NUP210L: variants seen among roughly 807,000 people sequenced by gnomAD.
The protein encoded by NUP210L is nuclear pore membrane glycoprotein 210-like.
Under a neutral mutation model 208.5 loss-of-function variants are expected in NUP210L, and 74 were observed. The ratio of observed to expected loss-of-function variants is 0.35; its 90% CI spans 0.29 to 0.43. The LOEUF is 0.43. Among genes scored for constraint, NUP210L ranks in the 20% least tolerant of loss-of-function variants. The pLI, the probability that NUP210L is intolerant of heterozygous loss-of-function variation, is 1.00. For missense variants in NUP210L, 1,843 were observed against 2,289.4 expected (o/e 0.81, Z 3.98); for synonymous variants, 780 against 816.9 (o/e 0.95, Z 0.77).
In NUP210L at chr1:154,056,808, T is replaced by C; in HGVS notation, c.3240+7A>G. The stretch of plus-strand genomic sequence containing the variant: ...AGTACAAATTTTGGATGAGATAATT[T>C]CCTTACTTCAATGTGCCGAGGAGTT... On this transcript the variant is annotated splice_region_variant and intron_variant, in intron 23 of 39. Coordinates refer to ENST00000368559, the Ensembl canonical transcript of NUP210L. 6.4e-7 allele frequency: 1 copy of C among 1,555,990 alleles called. No individual in the cohort carries two copies. Among genetic ancestry groups the C allele is most frequent in the Non-Finnish European group, 8.6e-7 (1 of 1,158,530 alleles).
intron 17 of NUP210L, among the ~76,000 whole-genome samples, chr1:154,065,345 A>G (rs888919139): frequency 6.6e-6 from 1 of 151,706 alleles, no homozygotes; most frequent in Non-Finnish European, 1.5e-5. Flanking sequence ...ACTTCAGTCC[A>G]AGAGTTTGAG....
At chr1:154,030,103 G>A (rs1401865812) in intron 27 of NUP210L, 49 bp from the exon 28 acceptor site, 3 of 1,295,024 alleles carry the variant, frequency 2.3e-6, no homozygotes, top group South Asian at 1.8e-5. Context: ...TAAACATGGT[G>A]TCCTTCCTTT....
chr1:154,060,858 T>C lies in NUP210L; in HGVS notation c.2748+84A>G, dbSNP rs1039001673. 8.8e-4 allele frequency: 828 copies of C among 939,540 alleles called. 5 individuals are homozygous for C. The highest frequency in any genetic ancestry group is 5.2e-3 in the South Asian group (343 of 66,138). The allele number at this position is 939,540 out of a possible 1,614,324, so 58.2% of individuals were successfully genotyped here. Reference sequence around the variant, plus strand: ...GTATCAATTATTTTCAACACATAAGTAAGTTTTTTAATTGTTATGCTATTA... The same window carrying C: ...GTATCAATTATTTTCAACACATAAGCAAGTTTTTTAATTGTTATGCTATTA... On this transcript the variant is annotated intron_variant, in intron 19 of 39. Coordinates refer to ENST00000368559, the Ensembl canonical transcript of NUP210L.
At position 154,073,814 on chromosome 1, in the gene NUP210L, CAATAAATAAATA is replaced by C. The variant is rs3073948; in HGVS notation, c.2362-3361_2362-3350del. ...TGGGCGACAGAGTGAGACTCTGTCT[CAATAAATAAATA>C]AATAAATAAATAAATAAATAAATAA... On this transcript the variant is annotated intron_variant, in intron 16 of 39. Transcript: ENST00000368559. Among the ~76,000 whole-genome samples, 326 of 131,066 alleles carry C rather than the reference CAATAAATAAATA, an allele frequency of 2.5e-3. 1 individual carries two copies. Among genetic ancestry groups the C allele is most frequent in the African/African-American group, 3.5e-3 (122 of 34,658 alleles). The allele number at this position is 131,066 out of a possible 152,430, so 86.0% of individuals were successfully genotyped here.
chr1:154,023,082 T>C (rs748883076), intron 31 of NUP210L, 40 bp downstream of exon 31: 18 of 1,557,180 alleles, frequency 1.2e-5, no homozygotes, highest in Non-Finnish European at 2.6e-6. Flanking sequence ...TATGCAAGAT[T>C]TCTACCATAG....
Position 154,118,776 on chromosome 1 carries a change from G to C in NUP210L, c.1359C>G (p.Ile453Met), listed in dbSNP as rs755899462. 2.5e-6 allele frequency: 4 copies of C among 1,589,500 alleles called. No homozygotes were observed. The South Asian group carries it at 3.3e-5, about 13-fold the overall frequency. ...AAATCTTCACTTCTTGTTGGTGTTT[G>C]ATTAGAAATTTTATAGGCTGAATAT... Residue 453 changes from isoleucine to methionine, a missense_variant, in exon 11 of 40, where the codon ATC (isoleucine) becomes ATG (methionine). This residue lies in a region of NUP210L where 542 missense variants were observed against 606.4 expected (regional missense o/e 0.89). Coordinates refer to ENST00000368559, the Ensembl canonical transcript of NUP210L.
At chr1:154,023,405 A>T (rs758275117) in intron 30 of NUP210L, 108 bp from the exon 31 acceptor site, 24 of 871,974 alleles carry the variant, frequency 2.8e-5, no homozygotes, top group Non-Finnish European at 1.2e-5. Flanking sequence ...TCTTTTCCAT[A>T]GGAAATAGCT....
intron 12 of NUP210L, among the ~76,000 whole-genome samples, chr1:154,115,757 G>A (rs181416361): frequency 7.8e-4 from 119 of 152,018 alleles, no homozygotes; most frequent in Non-Finnish European, 1.6e-3. Flanking sequence ...TAATACCTAC[G>A]AGATAATAAA....
At chr1:154,131,229 G>A (rs985364263) in intron 7 of NUP210L, among the ~76,000 whole-genome samples, 1 of 148,178 alleles carries the variant, frequency 6.7e-6, no homozygotes, top group Admixed American at 6.8e-5. Flanking sequence ...CCAAGATGGC[G>A]CCACTGCACT....
intron 27 of NUP210L, among the ~76,000 whole-genome samples, chr1:154,034,383 G>A (rs1326503931): frequency 6.6e-6 from 1 of 151,324 alleles, no homozygotes; most frequent in Non-Finnish European, 1.5e-5. Flanking sequence ...AGGCTGGAGT[G>A]CAGTGGCATG....
chr1:154,014,382 T>A (rs944821486), intron 33 of NUP210L, among the ~76,000 whole-genome samples: 1 of 152,138 alleles, frequency 6.6e-6, no homozygotes, highest in Non-Finnish European at 1.5e-5. Flanking sequence ...TCTATGACAC[T>A]GTTTCTCTTT....
intron 21 of NUP210L, among the ~76,000 whole-genome samples, 166 bp from the exon 22 acceptor site, chr1:154,058,382 A>T (rs1557946815): frequency 6.6e-6 from 1 of 152,180 alleles, no homozygotes; most frequent in Non-Finnish European, 1.5e-5. Flanking sequence ...TTGGTTTTTA[A>T]CAGTCTATTT....
intron 23 of NUP210L, 133 bp downstream of exon 23, chr1:154,056,682 A>G (rs1003457781): frequency 9.4e-5 from 79 of 844,214 alleles, no homozygotes; most frequent in Non-Finnish European, 1.2e-4. Flanking sequence ...CAGCCTCCCA[A>G]AGTGCTCACA....
intron 13 of NUP210L, among the ~76,000 whole-genome samples, chr1:154,100,850 T>C (rs369122985): frequency 7.6e-4 from 116 of 151,878 alleles, no homozygotes; most frequent in African/African-American, 2.2e-3. Flanking sequence ...GATTAAGCTA[T>C]GAAAATATAA....
chr1:154,152,973 G>GTA (rs1659476617), intron 1 of NUP210L, 101 bp from the exon 2 acceptor site: 1 of 985,310 alleles, frequency 1.0e-6, no homozygotes, highest in South Asian at 1.5e-5. Context: ...ATACTACCAG[G>GTA]TATATGTAAA....
intron 10 of NUP210L, among the ~76,000 whole-genome samples, chr1:154,125,370 A>G (rs1657837031): frequency 6.6e-6 from 1 of 151,088 alleles, no homozygotes. Context: ...GAATCGCTTG[A>G]ACCCAGGAAG....
chr1:154,145,957 C>T (rs1237535275), intron 2 of NUP210L, among the ~76,000 whole-genome samples: 1 of 152,020 alleles, frequency 6.6e-6, no homozygotes, highest in African/African-American at 2.4e-5. Context: ...AGTCTTGCTA[C>T]GTTACCCAGG....
intron 20 of NUP210L, among the ~76,000 whole-genome samples, chr1:154,059,038 A>T (rs114941115): frequency 0.019 from 2,912 of 152,176 alleles, 88 homozygotes; most frequent in African/African-American, 0.063. Context: ...AAAACTTTTT[A>T]AAAAAAATTA....
chr1:154,045,670 G>A (rs1022674583), intron 27 of NUP210L, among the ~76,000 whole-genome samples: 9 of 152,156 alleles, frequency 5.9e-5, no homozygotes, highest in Non-Finnish European at 1.2e-4. Flanking sequence ...GTAGTTTAGG[G>A]AGTGAGTAAT....
Sources: gnomAD v4.1 joint callset for allele counts (sites outside exome capture counted in the v4.1 genomes callset) on GRCh38, gnomAD v4.1.1 for gene constraint, gnomAD v4.1.1 regional missense constraint, MANE v1.5 for transcripts, NCBI Gene and HGNC (gene_info 2026-07-23, HGNC 2026-07-21) for gene names.